TSPEAR: variants seen among roughly 807,000 people sequenced by gnomAD.
TSPEAR encodes thrombospondin-type laminin G domain and EAR repeat-containing protein.
Under a neutral mutation model 71.6 loss-of-function variants are expected in TSPEAR, and 69 were observed. That is an observed-to-expected ratio of 0.96 (90% confidence interval 0.79 to 1.18). TSPEAR has a LOEUF of 1.18. Ranked by LOEUF, TSPEAR falls within the 50% of genes most tolerant of loss-of-function variation. The pLI is 0.00. For synonymous variants in TSPEAR, 402 were observed against 387.2 expected (o/e 1.04, Z -0.45); for missense variants, 971 against 894.9 (o/e 1.09, Z -1.09).
intron 1 of TSPEAR, chr21:44,627,303 C>T (rs367989613): frequency 6.2e-7 from 1 of 1,612,788 alleles, no homozygotes; most frequent in Non-Finnish European, 8.5e-7. Flanking sequence ...CCTGCCTGAC[C>T]CTGGTCTGCA....
intron 1 of TSPEAR, among the ~76,000 whole-genome samples, chr21:44,643,881 G>A (rs932482309): frequency 5.3e-5 from 8 of 152,242 alleles, no homozygotes; most frequent in Non-Finnish European, 1.5e-5. Flanking sequence ...GTTAACTTTG[G>A]AAACAAGACC....
chr21:44,708,726 G>T lies in TSPEAR; in HGVS notation c.82+2707C>A, dbSNP rs994784877. ...ACAGCCTTCCTGCAGTCCCCTCCCC[G>T]AATGCTGCTCCCTGAGGCCCTCCTG... On this transcript the variant is annotated intron_variant, in intron 1 of 11. Coordinates refer to ENST00000323084, the MANE Select transcript of TSPEAR (RefSeq NM_144991.3). 5.3e-5 allele frequency among the ~76,000 whole-genome samples: 8 copies of T among 151,840 alleles called. 1 individual carries two copies. The highest frequency in any genetic ancestry group is 2.0e-4 in the Admixed American group (3 of 15,270).
intron 1 of TSPEAR, among the ~76,000 whole-genome samples, chr21:44,599,134 T>TCTCTCTCTCTCTCTCTCTC (rs1980573681): frequency 3.1e-4 from 29 of 92,270 alleles, no homozygotes; most frequent in East Asian, 9.4e-4. Flanking sequence ...GGCCCCCATT[T>TCTCTCTCTCTCTCTCTCTC]TCTCTCTCTC....
chr21:44,527,387 C>T lies in TSPEAR; in HGVS notation c.1054G>A (p.Ala352Thr), dbSNP rs587674620. ...TTCTCTTCGGTCCACTTGTAGACGGCGGATGTGGCTTTGCGATTGGCTGTG... is the reference window on the plus strand; with the variant it reads ...TTCTCTTCGGTCCACTTGTAGACGGTGGATGTGGCTTTGCGATTGGCTGTG... ...VATANRKATS[A>T]VYKWTEEKFV... The change falls in exon 7 of 12, where the codon GCC (alanine) becomes ACC (threonine). Residue 352 changes from alanine to threonine, a missense_variant. Physicochemically the swap from Ala to Thr is moderately conservative, Grantham distance 58 (BLOSUM62 0). Transcript: ENST00000323084. 4.8e-5 allele frequency: 78 copies of T among 1,614,182 alleles called. No individual in the cohort carries two copies. The Admixed American group carries it at 5.0e-4, about 10-fold the overall frequency.
chr21:44,579,013 G>A (rs587666193), intron 1 of TSPEAR, among the ~76,000 whole-genome samples: 6 of 152,236 alleles, frequency 3.9e-5, no homozygotes, highest in African/African-American at 7.2e-5. Flanking sequence ...CTTGTCTCCT[G>A]CGCAGGTGCA....
chr21:44,531,114 G>GGAA lies in TSPEAR; in HGVS notation c.559_561dup (p.Phe187dup). The GGAA allele has an allele frequency of 5.0e-6, 8 of 1,613,842 alleles. No homozygotes were observed. Among genetic ancestry groups the GGAA allele is most frequent in the Non-Finnish European group, 6.8e-6 (8 of 1,179,968 alleles). On this transcript the variant is annotated inframe_insertion, in exon 4 of 12. Coordinates refer to ENST00000323084, the MANE Select transcript of TSPEAR (RefSeq NM_144991.3). The stretch of plus-strand genomic sequence containing the variant: ...GCTCCTTTCACTGACAGGGTGGCTG[G>GGAA]GAAGGGCACATCGGCCATTCTGAAA...
chr21:44,568,096 C>CA, intron 1 of TSPEAR, 91 bp from the exon 2 acceptor site: 1 of 997,136 alleles, frequency 1.0e-6, no homozygotes. Flanking sequence ...ATCAGCGTGG[C>CA]AGGCACTTTA....
At chr21:44,563,318 A>AAT (rs1555921340) in intron 2 of TSPEAR, among the ~76,000 whole-genome samples, 3 of 152,168 alleles carry the variant, frequency 2.0e-5, no homozygotes, top group African/African-American at 7.2e-5. Context: ...CTGTAGATGT[A>AAT]ATATATATAA....
intron 1 of TSPEAR, chr21:44,654,319 A>G (rs1984994262): frequency 6.2e-7 from 1 of 1,614,056 alleles, no homozygotes; most frequent in Non-Finnish European, 8.5e-7. Context: ...TCTATAGACC[A>G]GGGTGGGGCA....
At chr21:44,602,432 C>A (rs991056854) in intron 1 of TSPEAR, among the ~76,000 whole-genome samples, 11 of 152,242 alleles carry the variant, frequency 7.2e-5, no homozygotes, top group Non-Finnish European at 1.5e-5. Context: ...TTGTGTCCAG[C>A]CCCTGGCTCC....
chr21:44,654,672 C>T, intron 1 of TSPEAR: 4 of 1,224,390 alleles, frequency 3.3e-6, no homozygotes, highest in Non-Finnish European at 4.5e-6. Context: ...AGCCTGCTTC[C>T]TTAGGTGGCC....
At position 44,518,665 on chromosome 21, in the gene TSPEAR, GC is replaced by G. The variant is rs375018961; in HGVS notation, c.1566+3217del. ...TGCTCTCAAGACCCCCTGGAGGCCC[GC>G]CCCCTGCCCCCCACCAGCTCATTCG... is the stretch of plus-strand genomic sequence containing the variant. On this transcript the variant is annotated intron_variant, in intron 9 of 11. Coordinates refer to ENST00000323084, the MANE Select transcript of TSPEAR (RefSeq NM_144991.3). 1.4e-4 allele frequency: 67 copies of G among 470,396 alleles called. 1 individual carries two copies. In the Middle Eastern group the frequency reaches 5.9e-3, roughly 41 times the overall value. The allele number at this position is 470,396 out of a possible 1,614,324, so 29.1% of individuals were successfully genotyped here. A position where few individuals can be genotyped will look rare whatever the true frequency, so the allele number is the denominator to read the frequency against.
chr21:44,548,594 AG>A (rs1262732489), intron 2 of TSPEAR, among the ~76,000 whole-genome samples: 34 of 152,340 alleles, frequency 2.2e-4, no homozygotes, highest in African/African-American at 8.2e-4. Flanking sequence ...AGTTTCAAAC[AG>A]GATTGAACAA....
chr21:44,509,356 G>A lies in TSPEAR; in HGVS notation c.1597C>T (p.Gln533Ter). The A allele has an allele frequency of 6.2e-7, 1 of 1,613,806 alleles. No individual in the cohort carries two copies. The highest frequency in any genetic ancestry group is 8.5e-7 in the Non-Finnish European group (1 of 1,179,960). ...GCGAGGAAGATCCTCTCCCCGATCTGGAAGACCTCCCAGTCTGCAGCACCG... is the reference window on the plus strand; with the variant it reads ...GCGAGGAAGATCCTCTCCCCGATCTAGAAGACCTCCCAGTCTGCAGCACCG... ...TFGAADWEVF[Q>*]IGERIFLAVA... The change falls in exon 10 of 12, where the codon CAG becomes TAG. Residue 533 changes from glutamine to a stop codon, truncating the protein, a stop_gained. Transcript: ENST00000323084. LOFTEE classifies it high-confidence loss of function.
chr21:44,639,216 G>T (rs955778656), intron 1 of TSPEAR, among the ~76,000 whole-genome samples: 1 of 152,088 alleles, frequency 6.6e-6, no homozygotes, highest in Admixed American at 6.5e-5. Context: ...AGCCTCCCAG[G>T]TCTCTCCCAA....
intron 1 of TSPEAR, among the ~76,000 whole-genome samples, chr21:44,636,449 T>C (rs1398442566): frequency 6.6e-6 from 1 of 152,204 alleles, no homozygotes; most frequent in Non-Finnish European, 1.5e-5. Flanking sequence ...TCAGTGAGCG[T>C]GGCCTGGGAC....
chr21:44,502,887 G>A (rs587760353), intron 11 of TSPEAR, among the ~76,000 whole-genome samples: 129 of 147,448 alleles, frequency 8.7e-4, no homozygotes, highest in Non-Finnish European at 1.3e-3. Flanking sequence ...GGCCGGCCTC[G>A]GTGAGCCCTC....
intron 2 of TSPEAR, among the ~76,000 whole-genome samples, chr21:44,561,092 C>T (rs893254596): frequency 5.9e-5 from 9 of 151,452 alleles, no homozygotes; most frequent in African/African-American, 2.2e-4. Context: ...ACTAGCTAGA[C>T]TAATAAAGAA....
At chr21:44,651,531 G>C (rs911607890) in intron 1 of TSPEAR, among the ~76,000 whole-genome samples, 4 of 152,096 alleles carry the variant, frequency 2.6e-5, no homozygotes, top group African/African-American at 9.7e-5. Context: ...TCAGCTTCTG[G>C]AAATGGCTCG....
Sources: allele counts gnomAD v4.1 joint callset (sites outside exome capture counted in the v4.1 genomes callset), GRCh38; gene constraint gnomAD v4.1.1; transcripts MANE v1.5; gene names NCBI Gene and HGNC (gene_info 2026-07-23, HGNC 2026-07-21).